The following PCDHA11 variants were observed in gnomAD, a reference collection of about 807,000 sequenced individuals.
The protein encoded by PCDHA11 is protocadherin alpha-11.
PCDHA11 carries 61 observed loss-of-function variants against 70.3 expected under a neutral mutation model. The ratio of observed to expected loss-of-function variants is 0.87; its 90% confidence interval spans 0.71 to 1.07. The LOEUF is 1.07. Ranked by LOEUF, PCDHA11 falls within the 50% of genes least tolerant of loss-of-function variation. PCDHA11 has a pLI of 0.00. For missense variants in PCDHA11, 1,324 were observed against 1,237.5 expected (o/e 1.07, Z -1.05); for synonymous variants, 633 against 555.1 (o/e 1.14, Z -1.97).
At chr5:140,989,321 C>T (rs898791820) in intron 3 of PCDHA11, among the ~76,000 whole-genome samples, 2 of 152,296 alleles carry the variant, frequency 1.3e-5, no homozygotes, top group Non-Finnish European at 1.5e-5. Context: ...GTCTCACCAA[C>T]TTTGCCACCT....
intron 1 of PCDHA11, among the ~76,000 whole-genome samples, chr5:140,888,289 C>T (rs543077496): frequency 1.3e-5 from 2 of 152,246 alleles, no homozygotes; most frequent in Admixed American, 1.3e-4. Flanking sequence ...CCTCTACCCC[C>T]TACCCAGGAG....
intron 1 of PCDHA11, chr5:140,877,810 C>G (rs782370638): frequency 3.1e-6 from 5 of 1,610,364 alleles, no homozygotes; most frequent in Admixed American, 3.4e-5. Context: ...TCAGCTGTCT[C>G]GAGAAGATTG....
chr5:140,988,524 T>C (rs1338675660), intron 3 of PCDHA11, among the ~76,000 whole-genome samples: 2 of 152,212 alleles, frequency 1.3e-5, no homozygotes, highest in East Asian at 3.8e-4. Context: ...AAGTCTCTGC[T>C]GGCTCCATCC....
chr5:140,926,783 C>G lies in PCDHA11; in HGVS notation c.2392-52166C>G, dbSNP rs1230665699. 5.0e-6 allele frequency: 7 copies of G among 1,410,188 alleles called. No homozygotes were observed. The African/African-American group carries it at 7.3e-5, about 15-fold the overall frequency. The allele number at this position is 1,410,188 out of a possible 1,614,324, so 87.4% of individuals were successfully genotyped here. On this transcript the variant is annotated intron_variant, in intron 1 of 3. Transcript: ENST00000398640. The stretch of plus-strand genomic sequence containing the variant: ...GTATCCAGCCCGCAGCAGTGACGGC[C>G]GGCAGGAGCGTGCTCTTCCCCGCGG...
chr5:140,926,726 C>T, intron 1 of PCDHA11: 1 of 1,046,502 alleles, frequency 9.6e-7, no homozygotes, highest in Non-Finnish European at 1.3e-6. Flanking sequence ...GCAATGCCGG[C>T]GTTCGGGAGG....
intron 1 of PCDHA11, 159 bp downstream of exon 1, chr5:140,871,653 C>T: frequency 1.6e-6 from 2 of 1,244,250 alleles, no homozygotes; most frequent in Non-Finnish European, 2.2e-6. Flanking sequence ...CCAAATGATA[C>T]ACATCTTCAG....
At chr5:140,985,682 C>T (rs1261119986) in intron 3 of PCDHA11, among the ~76,000 whole-genome samples, 3 of 151,710 alleles carry the variant, frequency 2.0e-5, no homozygotes, top group African/African-American at 4.8e-5. Flanking sequence ...GCCTGCCTTA[C>T]GCTAATCCTC....
chr5:140,939,803 T>C (rs2092462819), intron 1 of PCDHA11, among the ~76,000 whole-genome samples: 1 of 152,228 alleles, frequency 6.6e-6, no homozygotes, highest in African/African-American at 2.4e-5. Flanking sequence ...ATGTTCTGCA[T>C]GTTCAAGAAA....
chr5:141,000,419 A>ATTTTTT (rs1563652468), intron 3 of PCDHA11, among the ~76,000 whole-genome samples: 3 of 60,996 alleles, frequency 4.9e-5, no homozygotes, highest in African/African-American at 7.6e-5. Context: ...ATATATATAT[A>ATTTTTT]TATTTTTTTT....
At chr5:140,883,760 C>A in intron 1 of PCDHA11, 1 of 1,612,790 alleles carries the variant, frequency 6.2e-7, no homozygotes, top group Non-Finnish European at 8.5e-7. Flanking sequence ...GGTGGAGCGG[C>A]GGGTGGGCGA....
chr5:140,876,883 G>T (rs192756440), intron 1 of PCDHA11: 45 of 1,614,016 alleles, frequency 2.8e-5, no homozygotes, highest in Non-Finnish European at 3.6e-5. Context: ...CAACCCGCCG[G>T]GCTGCCACAT....
At chr5:140,996,832 T>G (rs1338616787) in intron 3 of PCDHA11, among the ~76,000 whole-genome samples, 1 of 152,212 alleles carries the variant, frequency 6.6e-6, no homozygotes, top group African/African-American at 2.4e-5. Flanking sequence ...TACCAATAAT[T>G]TAGCGTGCAT....
intron 3 of PCDHA11, among the ~76,000 whole-genome samples, chr5:141,001,895 G>T (rs1390745542): frequency 3.9e-5 from 6 of 152,208 alleles, no homozygotes; most frequent in Non-Finnish European, 8.8e-5. Context: ...AGAAATCGGG[G>T]CTGTTTGAAA....
chr5:140,947,270 T>C (rs1230948656), intron 1 of PCDHA11, among the ~76,000 whole-genome samples: 1 of 151,546 alleles, frequency 6.6e-6, no homozygotes, highest in Non-Finnish European at 1.5e-5. Context: ...TTGTTGAAAA[T>C]ACTTTTTCTT....
At chr5:140,980,149 A>G (rs1287895980) in intron 2 of PCDHA11, among the ~76,000 whole-genome samples, 1 of 152,184 alleles carries the variant, frequency 6.6e-6, no homozygotes, top group East Asian at 1.9e-4. Flanking sequence ...ATTCATGCAT[A>G]TACCAGAATA....
chr5:140,933,938 T>C (rs1275274532), intron 1 of PCDHA11, among the ~76,000 whole-genome samples: 1 of 152,108 alleles, frequency 6.6e-6, no homozygotes, highest in Non-Finnish European at 1.5e-5. Context: ...TGACTTTTTT[T>C]CACATCTGCA....
chr5:140,937,567 G>A lies in PCDHA11; in HGVS notation c.2392-41382G>A, dbSNP rs1218260457. On this transcript the variant is annotated intron_variant, in intron 1 of 3. Transcript: ENST00000398640. ...GCGAGGCAGAGGTTGCAGTGAGCTG[G>A]GATCGCGTCACTGCACTCTAGCCTG... 1.9e-3 allele frequency among the ~76,000 whole-genome samples: 288 copies of A among 150,684 alleles called. 1 individual carries two copies. Among genetic ancestry groups the A allele is most frequent in the African/African-American group, 6.8e-3 (278 of 40,792 alleles).
intron 1 of PCDHA11, among the ~76,000 whole-genome samples, chr5:140,934,050 C>G (rs558726288): frequency 6.6e-6 from 1 of 151,834 alleles, no homozygotes; most frequent in African/African-American, 2.4e-5. Flanking sequence ...TTAGTCTTTC[C>G]AAGGCTAACT....
intron 1 of PCDHA11, chr5:140,876,139 A>G (rs1554168285): frequency 6.2e-7 from 1 of 1,613,960 alleles, no homozygotes; most frequent in South Asian, 1.1e-5. Context: ...ACCAGAACTA[A>G]CAGGGTCTGT....
Sources: allele counts gnomAD v4.1 joint callset (sites outside exome capture counted in the v4.1 genomes callset), GRCh38; gene constraint gnomAD v4.1.1; transcripts MANE v1.5; gene names NCBI Gene and HGNC (gene_info 2026-07-23, HGNC 2026-07-21).